DISP1: variants seen among roughly 807,000 people sequenced by gnomAD.
DISP1 encodes dispatched RND transporter family member 1.
A neutral mutation model predicts 37.3 loss-of-function variants in DISP1; 30 were observed. That is an observed-to-expected ratio of 0.80 (90% CI 0.60 to 1.09). The LOEUF is 1.09. DISP1 is among the 50% of genes least tolerant of loss of function. DISP1 has a pLI of 0.00. For missense variants in DISP1, 1,598 were observed against 1,879.5 expected (o/e 0.85, Z 2.77); for synonymous variants, 634 against 690.2 (o/e 0.92, Z 1.28).
At chr1:222,863,507 A>G (rs1442074465) in intron 1 of DISP1, among the ~76,000 whole-genome samples, 1 of 151,530 alleles carries the variant, frequency 6.6e-6, no homozygotes, top group Non-Finnish European at 1.5e-5. Context: ...ATTGTACTCC[A>G]GCATGGGTGA....
chr1:222,971,750 C>A (rs552056573), intron 3 of DISP1, among the ~76,000 whole-genome samples: 1 of 152,178 alleles, frequency 6.6e-6, no homozygotes, highest in African/African-American at 2.4e-5. Flanking sequence ...ATATAAAATA[C>A]ATAATTTGAA....
chr1:222,938,589 A>C (rs1172172882), intron 2 of DISP1, among the ~76,000 whole-genome samples: 1 of 151,368 alleles, frequency 6.6e-6, no homozygotes, highest in African/African-American at 2.4e-5. Flanking sequence ...AAAAATTAGC[A>C]TGACATGATG....
At chr1:222,853,335 A>G (rs1259822558) in intron 1 of DISP1, among the ~76,000 whole-genome samples, 3 of 152,220 alleles carry the variant, frequency 2.0e-5, no homozygotes, top group Non-Finnish European at 4.4e-5. Flanking sequence ...GGAGAACAGT[A>G]TGGAGCTTCC....
intron 1 of DISP1, among the ~76,000 whole-genome samples, chr1:222,865,795 A>G (rs1669152792): frequency 6.6e-6 from 1 of 152,182 alleles, no homozygotes; most frequent in African/African-American, 2.4e-5. Context: ...ACACACACAC[A>G]CAGATACACA....
chr1:222,998,964 G>A (rs536296989), intron 8 of DISP1, among the ~76,000 whole-genome samples: 14 of 152,274 alleles, frequency 9.2e-5, no homozygotes, highest in South Asian at 8.3e-4. Context: ...TTGGTTACGC[G>A]TGGAGGAGGG....
At chr1:222,939,228 T>A (rs1478390083) in intron 2 of DISP1, among the ~76,000 whole-genome samples, 1 of 152,168 alleles carries the variant, frequency 6.6e-6, no homozygotes, top group African/African-American at 2.4e-5. Context: ...AAACATGTTA[T>A]AAGTGATGAT....
At chr1:222,899,401 G>A (rs953050665) in intron 1 of DISP1, among the ~76,000 whole-genome samples, 2 of 152,190 alleles carry the variant, frequency 1.3e-5, no homozygotes, top group Admixed American at 6.5e-5. Context: ...TTGGTGAAAT[G>A]GTTAAGAGTA....
At chr1:222,933,500 C>T (rs996640464) in intron 2 of DISP1, among the ~76,000 whole-genome samples, 12 of 152,004 alleles carry the variant, frequency 7.9e-5, no homozygotes, top group East Asian at 3.9e-4. Context: ...GAACTCAGTT[C>T]GCTTTCTCCT....
At chr1:222,907,485 C>T (rs1253810077) in intron 1 of DISP1, among the ~76,000 whole-genome samples, 2 of 152,110 alleles carry the variant, frequency 1.3e-5, no homozygotes, top group East Asian at 1.9e-4. Flanking sequence ...GAGGGAGACT[C>T]AGCAACCTGT....
intron 1 of DISP1, among the ~76,000 whole-genome samples, chr1:222,875,321 A>T (rs1669898710): frequency 1.3e-5 from 2 of 152,088 alleles, no homozygotes; most frequent in African/African-American, 4.8e-5. Flanking sequence ...TCAAAAAAAT[A>T]ATTAAACAAA....
rs67660273 is a variant in DISP1 at position 222,984,435 on chromosome 1, T to TATATATATAGAGAGAGAGAG, written c.539+1327_539+1328insTATATATAGAGAGAGAGAGA. Among the ~76,000 whole-genome samples, 22 of 108,370 alleles carry TATATATATAGAGAGAGAGAG rather than the reference T, an allele frequency of 2.0e-4. No individual in the cohort carries two copies. The East Asian group carries it at 4.2e-3, about 21-fold the overall frequency. The allele number at this position is 108,370 out of a possible 152,430, so 71.1% of individuals were successfully genotyped here. ...AAAAAAAAAAAAATATATATATATA[T>TATATATATAGAGAGAGAGAG]AGAGAGAGAGAGAGAGAGAGAGAGC... is the stretch of plus-strand genomic sequence containing the variant. On this transcript the variant is annotated intron_variant, in intron 4 of 8. Coordinates refer to ENST00000675850, the MANE Select transcript of DISP1 (RefSeq NM_001377229.1).
chr1:222,872,085 T>C (rs1669621548), intron 1 of DISP1, among the ~76,000 whole-genome samples: 1 of 152,202 alleles, frequency 6.6e-6, no homozygotes, highest in South Asian at 2.1e-4. Flanking sequence ...TATGCTGGAT[T>C]ACGTTTATTG....
chr1:222,837,463 G>A (rs17163519), intron 1 of DISP1: 3,459 of 163,846 alleles, frequency 0.021, 158 homozygotes, highest in African/African-American at 0.077. Context: ...ACCTTAAAGA[G>A]TTGTGAAGAC....
rs1191160207 is a variant in DISP1, at chr1:222,945,722, A to G, written c.509+2390A>G. The G allele has an allele frequency of 4.6e-5, 7 of 152,210 alleles. No individual in the cohort carries two copies. The South Asian group carries it at 1.5e-3, about 32-fold the overall frequency. The allele number at this position is 152,210 out of a possible 1,614,324, so 9.4% of individuals were successfully genotyped here. On this transcript the variant is annotated intron_variant, in intron 3 of 8. Coordinates refer to ENST00000675850, the MANE Select transcript of DISP1 (RefSeq NM_001377229.1). Reference sequence around the variant, plus strand: ...CATTGTTGGAACTGGGGCTTTTGCAATCATGGTGGACTGACTTGAGACTGT... The same window carrying G: ...CATTGTTGGAACTGGGGCTTTTGCAGTCATGGTGGACTGACTTGAGACTGT...
chr1:222,945,791 T>G (rs1322243202), intron 3 of DISP1: 1 of 152,206 alleles, frequency 6.6e-6, no homozygotes, highest in African/African-American at 2.4e-5. Flanking sequence ...AGGATTTGTC[T>G]TTGTATGTTA....
chr1:222,998,265 T>C lies in DISP1; in HGVS notation c.987+3283T>C, dbSNP rs537696245. Among the ~76,000 whole-genome samples, 51 of 151,528 alleles carry C rather than the reference T, an allele frequency of 3.4e-4. No homozygotes were observed. In the South Asian group the frequency reaches 6.5e-3, roughly 19 times the overall value. On this transcript the variant is annotated intron_variant, in intron 8 of 8. Transcript: ENST00000675850. The stretch of plus-strand genomic sequence containing the variant: ...CAGCCCCCAAATCCTGGTTGTTATA[T>C]GGAAGCACTTGATTATTAACAACTA...
chr1:222,939,355 ATTTTTTT>A lies in DISP1; in HGVS notation c.-17-3431_-17-3425del, dbSNP rs35313341. Among the ~76,000 whole-genome samples the A allele has an allele frequency of 8.1e-4, 92 of 112,990 alleles. 1 individual carries two copies. Among genetic ancestry groups the A allele is most frequent in the Admixed American group, 1.6e-3 (16 of 10,190 alleles). 74.1% of individuals were successfully genotyped at this position (112,990 alleles called of 152,430 possible). ...GTGATTCTGATTATGAAGAAAAATA[ATTTTTTT>A]TTTTTTTTTTTTTTTTTTTTACTGA... On this transcript the variant is annotated intron_variant, in intron 2 of 8. Transcript: ENST00000675850.
chr1:222,867,172 C>T (rs774090874), intron 1 of DISP1, among the ~76,000 whole-genome samples: 23 of 152,174 alleles, frequency 1.5e-4, no homozygotes, highest in Non-Finnish European at 2.8e-4. Context: ...GAAACTTAAT[C>T]TAGAGACTGA....
At chr1:222,891,223 A>C (rs1473925641) in intron 1 of DISP1, among the ~76,000 whole-genome samples, 2 of 152,108 alleles carry the variant, frequency 1.3e-5, no homozygotes, top group Non-Finnish European at 2.9e-5. Context: ...TGAGAGGAAG[A>C]GTGAAGTGAC....
Sources: allele counts gnomAD v4.1 joint callset (sites outside exome capture counted in the v4.1 genomes callset), GRCh38; gene constraint gnomAD v4.1.1; transcripts MANE v1.5; gene names NCBI Gene and HGNC (gene_info 2026-07-23, HGNC 2026-07-21).